TDRD3: variants seen among roughly 807,000 people sequenced by gnomAD.
The protein encoded by TDRD3 is tudor domain containing 3.
In TDRD3, 45 loss-of-function variants were observed where a neutral mutation model predicts 86.7. The observed-to-expected ratio is 0.52, with a 90% CI of 0.41 to 0.67. The LOEUF is 0.67. Among genes scored for constraint, TDRD3 ranks in the 30% least tolerant of loss-of-function variants. The pLI is 0.00. For missense variants in TDRD3, 814 were observed against 889.0 expected (o/e 0.92, Z 1.07); for synonymous variants, 298 against 301.7 (o/e 0.99, Z 0.13).
chr13:60,484,721 G>A (rs1009636263), intron 6 of TDRD3: 8 of 455,028 alleles, frequency 1.8e-5, no homozygotes, highest in African/African-American at 1.0e-4. Context: ...CAAGATAAAA[G>A]AAAGTGTGAA....
chr13:60,444,936 T>G (rs1594941360), intron 3 of TDRD3, among the ~76,000 whole-genome samples, 188 bp downstream of exon 3: 1 of 152,004 alleles, frequency 6.6e-6, no homozygotes, highest in East Asian at 1.9e-4. Flanking sequence ...TGGTGACTTT[T>G]CAACATTAAA....
At position 60,535,015 on chromosome 13, in the gene TDRD3, A is replaced by G. The variant is rs565365471; in HGVS notation, c.1993-93A>G. 126 of 1,473,358 alleles carry G rather than the reference A, an allele frequency of 8.6e-5. No individual in the cohort carries two copies. In the East Asian group the frequency reaches 2.9e-3, roughly 34 times the overall value. 91.3% of individuals were successfully genotyped at this position (1,473,358 alleles called of 1,614,324 possible). A position where few individuals can be genotyped will look rare whatever the true frequency, so the allele number is the denominator to read the frequency against. On this transcript the variant is annotated intron_variant, in intron 11 of 13. Transcript: ENST00000377881. ...AGTTTCCTTCTAAAGAATATTACAC[A>G]TTGGAACACTTTAAAAATTTACATT...
chr13:60,522,473 C>T (rs1957310082), intron 10 of TDRD3, among the ~76,000 whole-genome samples: 1 of 152,100 alleles, frequency 6.6e-6, no homozygotes, highest in Admixed American at 6.6e-5. Context: ...CTTATTAAAG[C>T]CAGATACTGT....
chr13:60,563,293 A>T (rs901995202), intron 12 of TDRD3, among the ~76,000 whole-genome samples: 1 of 151,724 alleles, frequency 6.6e-6, no homozygotes, highest in Non-Finnish European at 1.5e-5. Context: ...GCTGGAGCTG[A>T]GGTAAGTATC....
chr13:60,496,287 CCATATATATATA>C lies in TDRD3; in HGVS notation c.858+1713_858+1724del, dbSNP rs1405043077. On this transcript the variant is annotated intron_variant, in intron 8 of 13. Transcript: ENST00000377881. ...TTGTGAGTTAATACTTAACAAACTC[CCATATATATATA>C]TATATATATATATATATATATATAT... Among the ~76,000 whole-genome samples, 521 of 57,514 alleles carry C rather than the reference CCATATATATATA, an allele frequency of 9.1e-3. 6 individuals carry two copies. Among genetic ancestry groups the C allele is most frequent in the Middle Eastern group, 0.026 (2 of 78 alleles). The allele number at this position is 57,514 out of a possible 152,430, so 37.7% of individuals were successfully genotyped here. A position where few individuals can be genotyped will look rare whatever the true frequency, so the allele number is the denominator to read the frequency against.
chr13:60,493,271 T>G (rs1956637598), intron 7 of TDRD3, among the ~76,000 whole-genome samples: 1 of 152,170 alleles, frequency 6.6e-6, no homozygotes, highest in African/African-American at 2.4e-5. Context: ...GTAAGATGTT[T>G]CCTTACTGTA....
intron 12 of TDRD3, chr13:60,547,216 C>A: frequency 1.0e-6 from 1 of 984,244 alleles, no homozygotes; most frequent in Non-Finnish European, 1.2e-6. Context: ...TGACATTGTT[C>A]ACCACTTTTG....
At chr13:60,418,342 C>G (rs1594907928) in intron 1 of TDRD3, among the ~76,000 whole-genome samples, 1 of 152,164 alleles carries the variant, frequency 6.6e-6, no homozygotes, top group East Asian at 1.9e-4. Flanking sequence ...GAAGTCTTCC[C>G]TGATAGAAAG....
intron 12 of TDRD3, among the ~76,000 whole-genome samples, chr13:60,541,480 TA>T (rs2137847911): frequency 6.6e-6 from 1 of 152,106 alleles, no homozygotes; most frequent in African/African-American, 2.4e-5. Flanking sequence ...GGCATTCTTT[TA>T]TTTTTTTTTG....
intron 10 of TDRD3, among the ~76,000 whole-genome samples, chr13:60,523,301 G>A (rs1337985723): frequency 2.0e-5 from 3 of 152,150 alleles, no homozygotes; most frequent in Non-Finnish European, 4.4e-5. Context: ...ACATCCTTAT[G>A]TACAGATTTA....
chr13:60,405,004 A>G (rs1416862953), intron 1 of TDRD3, among the ~76,000 whole-genome samples: 2 of 152,260 alleles, frequency 1.3e-5, no homozygotes, highest in Admixed American at 6.5e-5. Context: ...TGCCATTCAC[A>G]TAAGATGTGG....
At chr13:60,509,949 G>A in intron 9 of TDRD3, 30 bp downstream of exon 9, 1 of 1,600,692 alleles carries the variant, frequency 6.2e-7, no homozygotes. Flanking sequence ...GTGCCAGATA[G>A]TATTGTTTGC....
At chr13:60,407,958 G>A (rs537371801) in intron 1 of TDRD3, among the ~76,000 whole-genome samples, 7 of 152,286 alleles carry the variant, frequency 4.6e-5, no homozygotes, top group Admixed American at 2.0e-4. Flanking sequence ...TAGTGAATAC[G>A]TCTCGTGAGA....
Position 60,462,619 on chromosome 13 carries a change from G to A in TDRD3, c.353+2079G>A, listed in dbSNP as rs185058886. 4.7e-3 allele frequency among the ~76,000 whole-genome samples: 722 copies of A among 152,118 alleles called. 5 individuals are homozygous for A. The highest frequency in any genetic ancestry group is 7.0e-3 in the Admixed American group (107 of 15,286). On this transcript the variant is annotated intron_variant, in intron 4 of 13. Coordinates refer to ENST00000377881, the MANE Select transcript of TDRD3 (RefSeq NM_001146070.2). ...TTACATGGGCTTTGCATTTCTCTGC[G>A]GTGCTTGTTTCTACTTTTCTGTCCT...
intron 10 of TDRD3, among the ~76,000 whole-genome samples, chr13:60,513,595 C>T (rs1407180962): frequency 1.3e-5 from 2 of 152,100 alleles, no homozygotes; most frequent in Non-Finnish European, 2.9e-5. Context: ...TCTTGAATTC[C>T]CACATGTTGT....
At chr13:60,458,603 G>C (rs1373705391) in intron 3 of TDRD3, among the ~76,000 whole-genome samples, 1 of 152,140 alleles carries the variant, frequency 6.6e-6, no homozygotes, top group Non-Finnish European at 1.5e-5. Flanking sequence ...CGGTGCCTAG[G>C]ATGCATGAGT....
intron 2 of TDRD3, among the ~76,000 whole-genome samples, chr13:60,440,326 T>C (rs1383222336): frequency 6.6e-6 from 1 of 152,154 alleles, no homozygotes; most frequent in Non-Finnish European, 1.5e-5. Context: ...CTGTTTTTTT[T>C]TTCCATAATT....
intron 12 of TDRD3, among the ~76,000 whole-genome samples, chr13:60,541,155 T>C (rs1477024277): frequency 9.3e-6 from 1 of 107,140 alleles, no homozygotes. Context: ...TATTCTTTCT[T>C]TCTTTCTTTC....
At chr13:60,545,421 A>C (rs927693662) in intron 12 of TDRD3, among the ~76,000 whole-genome samples, 2 of 152,158 alleles carry the variant, frequency 1.3e-5, no homozygotes, top group Non-Finnish European at 2.9e-5. Context: ...ATTAGGGTCA[A>C]CCCTCTTGGT....
Sources: allele counts gnomAD v4.1 joint callset (sites outside exome capture counted in the v4.1 genomes callset), GRCh38; gene constraint gnomAD v4.1.1; transcripts MANE v1.5; gene names NCBI Gene and HGNC (gene_info 2026-07-23, HGNC 2026-07-21).